SNTG2: variants seen among roughly 807,000 people sequenced by gnomAD.
The protein encoded by SNTG2 is syntrophin gamma 2.
A neutral mutation model predicts 70.9 loss-of-function variants in SNTG2; 74 were observed. The ratio of observed to expected loss-of-function variants is 1.04; its 90% CI spans 0.86 to 1.27. SNTG2 has a LOEUF of 1.27. SNTG2 is among the 50% of genes most tolerant of loss of function. SNTG2 has a pLI of 0.00. For synonymous variants in SNTG2, 278 were observed against 273.8 expected (o/e 1.02, Z -0.15); for missense variants, 717 against 690.7 (o/e 1.04, Z -0.43).
chr2:1,279,546 G>T (rs1329409707), intron 14 of SNTG2, among the ~76,000 whole-genome samples: 1 of 152,132 alleles, frequency 6.6e-6, no homozygotes, highest in African/African-American at 2.4e-5. Flanking sequence ...GGGCTGTTTT[G>T]GTCTTTCTGA....
chr2:1,021,936 C>CTTTTTTTTTTTTTT (rs71392556), intron 1 of SNTG2, among the ~76,000 whole-genome samples: 1 of 121,142 alleles, frequency 8.3e-6, no homozygotes, highest in Non-Finnish European at 1.6e-5. Context: ...GTTTTATGTG[C>CTTTTTTTTTTTTTT]TTTTTTTTTT....
At chr2:1,092,258 A>G (rs926726340) in intron 2 of SNTG2, among the ~76,000 whole-genome samples, 1 of 151,980 alleles carries the variant, frequency 6.6e-6, no homozygotes, top group Non-Finnish European at 1.5e-5. Flanking sequence ...AGAGAGAGAA[A>G]AAAAAACCCT....
intron 4 of SNTG2, among the ~76,000 whole-genome samples, chr2:1,104,877 A>C (rs113299441): frequency 3.4e-4 from 51 of 152,212 alleles, no homozygotes; most frequent in African/African-American, 1.1e-3. Context: ...TCATTGCCTT[A>C]TATTTGCAAA....
chr2:1,214,593 A>G (rs1034366117), intron 9 of SNTG2, among the ~76,000 whole-genome samples: 7 of 152,114 alleles, frequency 4.6e-5, no homozygotes, highest in African/African-American at 1.4e-4. Context: ...GTTGTTTTGT[A>G]TCCTGCAAAT....
At position 1,022,803 on chromosome 2, in the gene SNTG2, G is replaced by C. The variant is rs1294174387; in HGVS notation, c.73-60715G>C. On this transcript the variant is annotated intron_variant, in intron 1 of 16. Coordinates refer to ENST00000308624, the MANE Select transcript of SNTG2 (RefSeq NM_018968.4). ...CATTTCTTCTTTCCCCCTTCCATGA[G>C]AATCTCCTTGTGTAGCTGAGAAGCT... 1.8e-4 allele frequency among the ~76,000 whole-genome samples: 27 copies of C among 152,136 alleles called. 1 individual carries two copies. The highest frequency in any genetic ancestry group is 1.8e-3 in the Admixed American group (27 of 15,274).
intron 14 of SNTG2, among the ~76,000 whole-genome samples, chr2:1,291,871 AAG>A (rs1680006852): frequency 6.6e-6 from 1 of 152,160 alleles, no homozygotes; most frequent in Non-Finnish European, 1.5e-5. Flanking sequence ...TTTCTGGAAA[AAG>A]GTCTTTGGGA....
chr2:1,178,497 G>T (rs1011759264), intron 8 of SNTG2, among the ~76,000 whole-genome samples: 2 of 152,102 alleles, frequency 1.3e-5, no homozygotes, highest in African/African-American at 4.8e-5. Flanking sequence ...AATTTATTGA[G>T]AGTTTTTAGC....
At chr2:1,363,417 A>C (rs1478877750) in intron 16 of SNTG2, among the ~76,000 whole-genome samples, 1 of 152,170 alleles carries the variant, frequency 6.6e-6, no homozygotes, top group Admixed American at 6.5e-5. Context: ...GCAATTGCCT[A>C]CATAGTCCCA....
intron 2 of SNTG2, 120 bp from the exon 3 acceptor site, chr2:1,098,076 A>T (rs1042564549): frequency 1.8e-6 from 2 of 1,103,724 alleles, no homozygotes; most frequent in Non-Finnish European, 2.7e-6. Flanking sequence ...ATTTAGCCAA[A>T]GTTGCTTTGG....
At chr2:1,170,674 A>G (rs1008068702) in intron 7 of SNTG2, among the ~76,000 whole-genome samples, 1 of 152,164 alleles carries the variant, frequency 6.6e-6, no homozygotes, top group African/African-American at 2.4e-5. Flanking sequence ...GCTGAACAGC[A>G]TCCGTCCTAG....
intron 1 of SNTG2, among the ~76,000 whole-genome samples, chr2:995,131 T>G (rs1199711353): frequency 6.6e-6 from 1 of 152,078 alleles, no homozygotes; most frequent in Non-Finnish European, 1.5e-5. Context: ...TAAACGTATT[T>G]GTCCCATTCT....
intron 1 of SNTG2, among the ~76,000 whole-genome samples, chr2:1,054,562 G>A (rs1662272321): frequency 6.6e-6 from 1 of 152,124 alleles, no homozygotes; most frequent in South Asian, 2.1e-4. Context: ...AGATGTTAGA[G>A]AAGGTCTCAG....
chr2:1,243,633 A>G (rs947871171), intron 11 of SNTG2, among the ~76,000 whole-genome samples: 5 of 152,156 alleles, frequency 3.3e-5, no homozygotes, highest in Non-Finnish European at 7.3e-5. Flanking sequence ...CCTGAGTGTT[A>G]CGGCCGTTAG....
intron 8 of SNTG2, among the ~76,000 whole-genome samples, chr2:1,181,940 G>A (rs571563090): frequency 3.3e-5 from 5 of 152,218 alleles, no homozygotes; most frequent in South Asian, 4.1e-4. Context: ...AATATCATGC[G>A]TTTAGGTTTG....
chr2:1,253,709 G>C (rs1677889587), intron 12 of SNTG2, among the ~76,000 whole-genome samples: 1 of 152,132 alleles, frequency 6.6e-6, no homozygotes, highest in African/African-American at 2.4e-5. Flanking sequence ...CTGATACTGG[G>C]TAGTTTATAA....
chr2:1,366,993 G>A (rs1328483290), intron 16 of SNTG2, among the ~76,000 whole-genome samples: 1 of 152,240 alleles, frequency 6.6e-6, no homozygotes, highest in East Asian at 1.9e-4. Flanking sequence ...AGGTGGGGAA[G>A]ACTGAGTCCT....
chr2:1,280,860 A>G (rs1305553659), intron 14 of SNTG2, among the ~76,000 whole-genome samples: 1 of 152,248 alleles, frequency 6.6e-6, no homozygotes, highest in Non-Finnish European at 1.5e-5. Context: ...AACTTTATAT[A>G]AAGTTTGTCA....
At chr2:1,361,686 CTGAG>C (rs1661158339) in intron 16 of SNTG2, among the ~76,000 whole-genome samples, 2 of 146,216 alleles carry the variant, frequency 1.4e-5, no homozygotes, top group African/African-American at 2.5e-5. Context: ...GTCACCGACG[CTGAG>C]CATTTCAGTA....
chr2:1,092,438 G>A (rs1263291441), intron 2 of SNTG2, among the ~76,000 whole-genome samples: 1 of 152,174 alleles, frequency 6.6e-6, no homozygotes, highest in African/African-American at 2.4e-5. Flanking sequence ...CCACAAGAAG[G>A]GTTTTGGGCT....
Sources: allele counts gnomAD v4.1 joint callset (sites outside exome capture counted in the v4.1 genomes callset), GRCh38; gene constraint gnomAD v4.1.1; transcripts MANE v1.5; gene names NCBI Gene and HGNC (gene_info 2026-07-23, HGNC 2026-07-21).